PPARGC1A: variants seen among roughly 807,000 people sequenced by gnomAD.
The protein encoded by PPARGC1A is peroxisome proliferator-activated receptor gamma coactivator 1-alpha.
Under a neutral mutation model 88.7 loss-of-function variants are expected in PPARGC1A, and 25 were observed. The ratio of observed to expected loss-of-function variants is 0.28; its 90% CI spans 0.21 to 0.39. The LOEUF (loss-of-function observed/expected upper bound fraction) is 0.39. PPARGC1A is among the 10% of genes least tolerant of loss of function. The pLI is 1.00. For missense variants in PPARGC1A, 880 were observed against 968.7 expected (o/e 0.91, Z 1.22); for synonymous variants, 363 against 355.6 (o/e 1.02, Z -0.24).
At chr4:24,204,389 CT>C in the PPARGC1A span, among the ~76,000 whole-genome samples, 1 of 151,708 alleles carries the variant, frequency 6.6e-6, no homozygotes, top group Non-Finnish European at 1.5e-5. Context: ...TATCTCCAGC[CT>C]GGTAAATAGT....
At chr4:24,457,842 C>T in the PPARGC1A span, among the ~76,000 whole-genome samples, 337 of 152,208 alleles carry the variant, frequency 2.2e-3, no homozygotes, top group African/African-American at 7.6e-3. Context: ...GGATTACAGG[C>T]GTGAGCCACC....
At chr4:24,027,197 G>GTA in the PPARGC1A span, among the ~76,000 whole-genome samples, 7 of 46,360 alleles carry the variant, frequency 1.5e-4, no homozygotes, top group East Asian at 3.8e-3. Flanking sequence ...CCTCAGGCTA[G>GTA]TGTGTGTGTG....
At chr4:23,872,221 G>T (rs1197900025) in intron 2 of PPARGC1A, among the ~76,000 whole-genome samples, 3 of 152,116 alleles carry the variant, frequency 2.0e-5, no homozygotes, top group Non-Finnish European at 4.4e-5. Context: ...CCCCACCAAG[G>T]GCACAGCACT....
intron 2 of PPARGC1A, among the ~76,000 whole-genome samples, chr4:23,858,124 G>A (rs1577537504): frequency 6.6e-6 from 1 of 152,140 alleles, no homozygotes; most frequent in East Asian, 1.9e-4. Flanking sequence ...TAGATTCAAG[G>A]AAAGGCAAAA....
chr4:24,226,284 G>C, the PPARGC1A span, among the ~76,000 whole-genome samples: 1 of 152,208 alleles, frequency 6.6e-6, no homozygotes, highest in Non-Finnish European at 1.5e-5. Flanking sequence ...GAGGCACCCA[G>C]CCTTCTGCAT....
chr4:24,289,355 C>T, the PPARGC1A span, among the ~76,000 whole-genome samples: 2 of 152,126 alleles, frequency 1.3e-5, no homozygotes, highest in Non-Finnish European at 2.9e-5. Flanking sequence ...TGACCCTTCG[C>T]TGCACTCTCA....
chr4:24,000,601 A>G, the PPARGC1A span, among the ~76,000 whole-genome samples: 1 of 152,210 alleles, frequency 6.6e-6, no homozygotes, highest in Non-Finnish European at 1.5e-5. Flanking sequence ...GTCTTGTGAC[A>G]GAAATAAATC....
In PPARGC1A at chr4:23,870,563, A is replaced by AAC. The variant is rs1326479961; in HGVS notation, c.234+14187_234+14188dup. 4.6e-5 allele frequency among the ~76,000 whole-genome samples: 7 copies of AAC among 152,344 alleles called. No individual in the cohort carries two copies. The South Asian group carries it at 1.2e-3, about 27-fold the overall frequency. ...CTTCAAATGTCATATGTGCTCATAG[A>AAC]ACATCACATATTGAATAGAACATTA... is the stretch of plus-strand genomic sequence containing the variant. On this transcript the variant is annotated intron_variant, in intron 2 of 12. Transcript: ENST00000264867.
intron 2 of PPARGC1A, among the ~76,000 whole-genome samples, chr4:23,861,847 A>G (rs1731269034): frequency 6.6e-6 from 1 of 152,230 alleles, no homozygotes; most frequent in Admixed American, 6.5e-5. Flanking sequence ...ATTCCTCACT[A>G]AAGTTGTCTC....
the PPARGC1A span, among the ~76,000 whole-genome samples, chr4:24,407,935 ATCT>A: frequency 2.6e-5 from 4 of 152,190 alleles, no homozygotes; most frequent in South Asian, 4.1e-4. Flanking sequence ...GCTACTTAAA[ATCT>A]TCTTCTTAAA....
At chr4:24,470,314 ACACACACACACT>A in the PPARGC1A span, among the ~76,000 whole-genome samples, 184 of 145,864 alleles carry the variant, frequency 1.3e-3, no homozygotes, top group South Asian at 2.8e-3. This position sits in a 1 kb window ranked among gnomAD's most constrained non-coding sequence, Gnocchi z 5.8. Flanking sequence ...ACACACACAC[ACACACACACACT>A]CTCTCACACA....
the PPARGC1A span, among the ~76,000 whole-genome samples, chr4:24,451,960 G>C: frequency 6.6e-6 from 1 of 152,116 alleles, no homozygotes; most frequent in Non-Finnish European, 1.5e-5. Flanking sequence ...TTTCTGTGAA[G>C]GTGTTTTTTG....
At chr4:24,074,432 A>ATT in the PPARGC1A span, among the ~76,000 whole-genome samples, 7 of 149,984 alleles carry the variant, frequency 4.7e-5, no homozygotes, top group African/African-American at 1.7e-4. Context: ...ATTCAGAATA[A>ATT]TTTTTTTTTT....
chr4:24,421,469 T>C, the PPARGC1A span, among the ~76,000 whole-genome samples: 3 of 152,154 alleles, frequency 2.0e-5, no homozygotes, highest in East Asian at 3.9e-4. Flanking sequence ...CGCCATCAAG[T>C]CCGGCTAATT....
chr4:24,216,165 T>G, the PPARGC1A span, among the ~76,000 whole-genome samples: 1 of 66,380 alleles, frequency 1.5e-5, no homozygotes, highest in Admixed American at 1.7e-4. Flanking sequence ...TTTTTTTTTT[T>G]GAGACAGAGT....
chr4:24,028,013 T>A, the PPARGC1A span, among the ~76,000 whole-genome samples: 2 of 152,108 alleles, frequency 1.3e-5, no homozygotes, highest in Admixed American at 1.3e-4. Flanking sequence ...ATTTAATAGG[T>A]GAGGAGACTG....
the PPARGC1A span, among the ~76,000 whole-genome samples, chr4:24,157,847 C>T: frequency 6.6e-6 from 1 of 152,020 alleles, no homozygotes; most frequent in African/African-American, 2.4e-5. Context: ...CATCCCCCAC[C>T]CCACAATTCT....
At chr4:24,360,743 G>A in the PPARGC1A span, among the ~76,000 whole-genome samples, 1 of 152,154 alleles carries the variant, frequency 6.6e-6, no homozygotes, top group African/African-American at 2.4e-5. Context: ...TCTCTAAAAG[G>A]GGAATAGGAA....
the PPARGC1A span, among the ~76,000 whole-genome samples, chr4:24,260,776 C>T: frequency 7.8e-5 from 6 of 76,842 alleles, no homozygotes; most frequent in African/African-American, 3.1e-4. Context: ...ATAACAGAAC[C>T]TCTAGCATTA....
Sources: gnomAD v4.1 joint callset for allele counts (sites outside exome capture counted in the v4.1 genomes callset) on GRCh38, gnomAD v4.1.1 for gene constraint, Gnocchi (gnomAD v3.1) non-coding constraint, MANE v1.5 for transcripts, NCBI Gene and HGNC (gene_info 2026-07-23, HGNC 2026-07-21) for gene names.